DDHD1: variants seen among roughly 807,000 people sequenced by gnomAD.
DDHD1 encodes phospholipase DDHD1.
Under a neutral mutation model 96.4 loss-of-function variants are expected in DDHD1, and 49 were observed. The observed-to-expected ratio is 0.51, with a 90% CI of 0.40 to 0.64. DDHD1 has a LOEUF of 0.64. Among genes scored for constraint, DDHD1 ranks in the 30% least tolerant of loss-of-function variants. The pLI, the probability that DDHD1 is intolerant of heterozygous loss-of-function variation, is 0.00. For synonymous variants in DDHD1, 442 were observed against 446.5 expected (o/e 0.99, Z 0.13); for missense variants, 1,106 against 1,161.2 (o/e 0.95, Z 0.69).
chr14:53,118,399 A>T (rs1469676451), intron 1 of DDHD1, among the ~76,000 whole-genome samples: 1 of 152,210 alleles, frequency 6.6e-6, no homozygotes, highest in Admixed American at 6.5e-5. Context: ...ATCACAAGAA[A>T]GCTAAAAACC....
intron 12 of DDHD1, among the ~76,000 whole-genome samples, chr14:53,050,360 G>C (rs1018636527): frequency 1.3e-5 from 2 of 152,142 alleles, no homozygotes; most frequent in African/African-American, 4.8e-5. Context: ...ACCAAATTGT[G>C]AAGGGTCCAA....
chr14:53,078,915 G>A (rs1885195329), intron 4 of DDHD1, among the ~76,000 whole-genome samples: 1 of 152,052 alleles, frequency 6.6e-6, no homozygotes, highest in South Asian at 2.1e-4. Context: ...TATTATGAAA[G>A]TATGTTGAGA....
At chr14:53,070,322 TATAGTTAATA>T (rs1477435530) in intron 6 of DDHD1, among the ~76,000 whole-genome samples, 1 of 152,206 alleles carries the variant, frequency 6.6e-6, no homozygotes, top group Non-Finnish European at 1.5e-5. Context: ...TTCCTCCGTT[TATAGTTAATA>T]TCAGAACAAT....
At chr14:53,141,928 A>AT (rs965355167) in intron 1 of DDHD1, among the ~76,000 whole-genome samples, 25 of 151,400 alleles carry the variant, frequency 1.7e-4, no homozygotes, top group South Asian at 4.2e-4. Flanking sequence ...TTTACCACGT[A>AT]TTTTTTTTTA....
chr14:53,087,836 A>C (rs1046008009), intron 4 of DDHD1, among the ~76,000 whole-genome samples: 33 of 152,360 alleles, frequency 2.2e-4, no homozygotes, highest in Non-Finnish European at 3.8e-4. Context: ...GGAAATAGCG[A>C]CACAAAAAAC....
At chr14:53,062,803 G>T in intron 7 of DDHD1, 140 bp downstream of exon 7, 1 of 804,526 alleles carries the variant, frequency 1.2e-6, no homozygotes, top group Non-Finnish European at 1.9e-6. Context: ...TCTCCAGCTT[G>T]ATTAGGCATG....
intron 8 of DDHD1, among the ~76,000 whole-genome samples, chr14:53,059,662 G>A (rs1328977828): frequency 2.0e-5 from 3 of 148,732 alleles, no homozygotes; most frequent in African/African-American, 4.9e-5. Context: ...TCAGGAGTTC[G>A]AGACCAGCCT....
chr14:53,067,540 C>A (rs1595114147), intron 6 of DDHD1, among the ~76,000 whole-genome samples: 3 of 151,904 alleles, frequency 2.0e-5, no homozygotes, highest in Admixed American at 2.0e-4. Flanking sequence ...TCACTGCAAG[C>A]TCTGCCTCCT....
At chr14:53,125,400 T>C (rs373192105) in intron 1 of DDHD1, among the ~76,000 whole-genome samples, 8 of 152,286 alleles carry the variant, frequency 5.3e-5, no homozygotes, top group African/African-American at 1.9e-4. Context: ...CCTGCATAGA[T>C]ATGGAAGAAA....
intron 1 of DDHD1, among the ~76,000 whole-genome samples, chr14:53,124,064 T>C (rs1889231086): frequency 6.6e-6 from 1 of 151,832 alleles, no homozygotes; most frequent in Non-Finnish European, 1.5e-5. Flanking sequence ...AAACCCTGTC[T>C]CTACTAAAAA....
intron 4 of DDHD1, among the ~76,000 whole-genome samples, chr14:53,090,471 A>G (rs1037574288): frequency 1.3e-5 from 2 of 152,232 alleles, no homozygotes; most frequent in African/African-American, 4.8e-5. Flanking sequence ...CTTGGAACCA[A>G]CCCAAATGTT....
chr14:53,079,944 C>T (rs980644326), intron 4 of DDHD1, among the ~76,000 whole-genome samples: 2 of 152,172 alleles, frequency 1.3e-5, no homozygotes, highest in African/African-American at 2.4e-5. Context: ...TTGATAGATA[C>T]TGCCACATAC....
At chr14:53,138,673 G>A (rs1247915110) in intron 1 of DDHD1, among the ~76,000 whole-genome samples, 1 of 152,150 alleles carries the variant, frequency 6.6e-6, no homozygotes, top group Non-Finnish European at 1.5e-5. Flanking sequence ...TGCTTACTTA[G>A]GGGGAAGACA....
At chr14:53,108,217 C>T (rs1434629019) in intron 1 of DDHD1, among the ~76,000 whole-genome samples, 3 of 152,208 alleles carry the variant, frequency 2.0e-5, no homozygotes, top group Admixed American at 6.5e-5. Flanking sequence ...CCTGATCCAG[C>T]GAGGCGCCCA....
chr14:53,064,263 G>C lies in DDHD1; in HGVS notation c.1504-1058C>G, dbSNP rs1307801510. ...TAGGTACAGAGAAGGCTAATGTTTA[G>C]ATAAAATAATTTCCTTTAAAAGCAA... On this transcript the variant is annotated intron_variant, in intron 6 of 12. Transcript: ENST00000673822. 7.9e-5 allele frequency among the ~76,000 whole-genome samples: 12 copies of C among 152,108 alleles called. No homozygotes were observed. The East Asian group carries it at 2.3e-3, about 29-fold the overall frequency.
At chr14:53,077,154 G>GT (rs917188751) in intron 4 of DDHD1, among the ~76,000 whole-genome samples, 55 of 151,808 alleles carry the variant, frequency 3.6e-4, no homozygotes, top group African/African-American at 1.3e-3. Flanking sequence ...TTGGTAGTTA[G>GT]TTATAGGGGC....
At chr14:53,087,958 C>T (rs1344769716) in intron 4 of DDHD1, among the ~76,000 whole-genome samples, 3 of 152,002 alleles carry the variant, frequency 2.0e-5, no homozygotes, top group African/African-American at 7.2e-5. Context: ...CAAATAGATG[C>T]AATAAAAAAC....
intron 1 of DDHD1, among the ~76,000 whole-genome samples, chr14:53,141,111 A>G (rs1439678922): frequency 6.6e-6 from 1 of 152,254 alleles, no homozygotes; most frequent in African/African-American, 2.4e-5. Flanking sequence ...TATATCCACA[A>G]TTATAGTGGA....
chr14:53,108,895 G>C (rs1887898204), intron 1 of DDHD1, among the ~76,000 whole-genome samples: 1 of 152,106 alleles, frequency 6.6e-6, no homozygotes, highest in African/African-American at 2.4e-5. Context: ...CTTTCCCTTT[G>C]CATTTGCTTT....
Sources: allele counts gnomAD v4.1 joint callset (sites outside exome capture counted in the v4.1 genomes callset), GRCh38; gene constraint gnomAD v4.1.1; transcripts MANE v1.5; gene names NCBI Gene and HGNC (gene_info 2026-07-23, HGNC 2026-07-21).